The following NXPE2 variants were observed in gnomAD, a reference collection of about 807,000 sequenced individuals.
NXPE2 encodes neurexophilin and PC-esterase domain family member 2.
Under a neutral mutation model 34.4 loss-of-function variants are expected in NXPE2, and 34 were observed. The observed-to-expected ratio is 0.99, with a 90% CI of 0.75 to 1.31. The LOEUF is 1.31. Among genes scored for constraint, NXPE2 ranks in the 40% most tolerant of loss-of-function variants. NXPE2 has a pLI of 0.00. For missense variants in NXPE2, 649 were observed against 672.5 expected, an observed-to-expected ratio of 0.97 and a Z score of 0.39; for synonymous variants, 235 against 231.3, an observed-to-expected ratio of 1.02 and a Z score of -0.15.
At chr11:114,601,931 A>C in the NXPE2 span, among the ~76,000 whole-genome samples, 1 of 62,662 alleles carries the variant, frequency 1.6e-5, no homozygotes, top group Non-Finnish European at 2.9e-5. Flanking sequence ...TAATATATTT[A>C]TATATATTAT....
the NXPE2 span, among the ~76,000 whole-genome samples, chr11:114,763,607 T>C: frequency 0.037 from 5,618 of 152,292 alleles, 356 homozygotes; most frequent in African/African-American, 0.13. Context: ...CAAGCATTCA[T>C]ATCTTAAATT....
the NXPE2 span, among the ~76,000 whole-genome samples, chr11:114,730,667 A>G: frequency 6.6e-6 from 1 of 152,066 alleles, no homozygotes; most frequent in Non-Finnish European, 1.5e-5. Flanking sequence ...TACTATAAAT[A>G]GAATTGCATT....
chr11:114,802,909 A>G, the NXPE2 span, among the ~76,000 whole-genome samples: 1 of 152,040 alleles, frequency 6.6e-6, no homozygotes, highest in African/African-American at 2.4e-5. Flanking sequence ...TAATTAAAAA[A>G]AAACGGAGAA....
At position 114,706,770 on chromosome 11, in the gene NXPE2, G is replaced by T. The variant is rs1459208331; in HGVS notation, c.1520G>T (p.Gly507Val). The T allele has an allele frequency of 2.6e-6, 4 of 1,552,212 alleles. No individual in the cohort carries two copies. Among genetic ancestry groups the T allele is most frequent in the Non-Finnish European group, 3.5e-6 (4 of 1,147,082 alleles). Residue 507 changes from glycine (G) to valine (V), a missense_variant, in exon 6 of 6, where the codon GGC (glycine) becomes GTC (valine). By Grantham distance (109) the Gly-to-Val change is moderately radical. Coordinates refer to ENST00000389586, the MANE Select transcript of NXPE2 (RefSeq NM_182495.6). ...QNAEMFSDFH[G>V]YIQNLIIRDI... ...GCAGAGATGTTCAGTGACTTTCATGGCTATATTCAGAATCTTATCATAAGA... is the reference window on the plus strand; with the variant it reads ...GCAGAGATGTTCAGTGACTTTCATGTCTATATTCAGAATCTTATCATAAGA...
At chr11:114,549,693 T>A in the NXPE2 span, among the ~76,000 whole-genome samples, 133 of 152,214 alleles carry the variant, frequency 8.7e-4, no homozygotes, top group African/African-American at 3.0e-3. Context: ...GCCTACTATC[T>A]CATTACTTTC....
chr11:114,471,051 T>C, the NXPE2 span, among the ~76,000 whole-genome samples: 1 of 152,192 alleles, frequency 6.6e-6, no homozygotes. Context: ...TCTCTAAGAT[T>C]TGTGATTAGC....
the NXPE2 span, among the ~76,000 whole-genome samples, chr11:114,601,815 T>TA: frequency 1.4e-5 from 1 of 70,970 alleles, no homozygotes; most frequent in African/African-American, 6.6e-5. Flanking sequence ...TATTATATAA[T>TA]TATATATAAT....
chr11:114,519,802 A>G, the NXPE2 span, among the ~76,000 whole-genome samples: 1 of 152,154 alleles, frequency 6.6e-6, no homozygotes, highest in African/African-American at 2.4e-5. Flanking sequence ...TTTAAGGTAT[A>G]CAGTGTGATG....
the NXPE2 span, among the ~76,000 whole-genome samples, chr11:114,725,804 C>T: frequency 2.0e-4 from 30 of 151,488 alleles, no homozygotes; most frequent in Non-Finnish European, 4.0e-4. Flanking sequence ...TCTTCATTTA[C>T]GTGCATTTTG....
intron 2 of NXPE2, among the ~76,000 whole-genome samples, chr11:114,686,692 A>C (rs552794997): frequency 3.9e-5 from 6 of 152,302 alleles, no homozygotes; most frequent in Admixed American, 2.6e-4. Flanking sequence ...AGAAATCTTC[A>C]AACTGCTTTT....
At chr11:114,568,338 G>A in the NXPE2 span, among the ~76,000 whole-genome samples, 1 of 152,068 alleles carries the variant, frequency 6.6e-6, no homozygotes. Flanking sequence ...GTAGAAAGGG[G>A]TAGTGGAAAG....
At chr11:114,620,596 T>A in the NXPE2 span, among the ~76,000 whole-genome samples, 2 of 151,984 alleles carry the variant, frequency 1.3e-5, no homozygotes, top group African/African-American at 4.8e-5. Context: ...GCCTCTAGGG[T>A]AACCACTGTT....
chr11:114,733,968 T>G, the NXPE2 span, among the ~76,000 whole-genome samples: 1 of 152,228 alleles, frequency 6.6e-6, no homozygotes, highest in South Asian at 2.1e-4. Context: ...TTTTATGAAT[T>G]TATTCCTTCA....
chr11:114,495,625 C>T, the NXPE2 span, among the ~76,000 whole-genome samples: 2 of 152,082 alleles, frequency 1.3e-5, no homozygotes, highest in East Asian at 3.9e-4. Flanking sequence ...CTGGGTCACA[C>T]CTGCAGCCAG....
chr11:114,625,081 C>A, the NXPE2 span, among the ~76,000 whole-genome samples: 2 of 152,158 alleles, frequency 1.3e-5, no homozygotes, highest in Non-Finnish European at 2.9e-5. Flanking sequence ...CCGTGGGTAA[C>A]CACCATTACC....
chr11:114,713,931 T>C, the NXPE2 span, among the ~76,000 whole-genome samples: 3 of 152,206 alleles, frequency 2.0e-5, no homozygotes, highest in African/African-American at 7.2e-5. Context: ...ATGCAAAAAG[T>C]CATCAAGTGC....
At chr11:114,645,470 C>A in the NXPE2 span, among the ~76,000 whole-genome samples, 1 of 151,944 alleles carries the variant, frequency 6.6e-6, no homozygotes. Context: ...AAAAGGATTT[C>A]TGAAAGACAA....
At chr11:114,638,172 C>CT in the NXPE2 span, among the ~76,000 whole-genome samples, 1 of 151,784 alleles carries the variant, frequency 6.6e-6, no homozygotes, top group African/African-American at 2.4e-5. Flanking sequence ...TCTTTTTATT[C>CT]TTTTTTCTCT....
the NXPE2 span, among the ~76,000 whole-genome samples, chr11:114,779,930 G>A: frequency 2.6e-5 from 4 of 151,996 alleles, no homozygotes; most frequent in South Asian, 2.1e-4. Context: ...CCAATTTCTC[G>A]TGAAAACACT....
Sources: gnomAD v4.1 joint callset for allele counts (sites outside exome capture counted in the v4.1 genomes callset) on GRCh38, gnomAD v4.1.1 for gene constraint, MANE v1.5 for transcripts, NCBI Gene and HGNC (gene_info 2026-07-23, HGNC 2026-07-21) for gene names.